PITPNC1: variants seen among roughly 807,000 people sequenced by gnomAD.
PITPNC1 encodes cytoplasmic phosphatidylinositol transfer protein 1.
In PITPNC1, 18 loss-of-function variants were observed where a neutral mutation model predicts 44.7. That is an observed-to-expected ratio of 0.40 (90% CI 0.28 to 0.60). The LOEUF (loss-of-function observed/expected upper bound fraction) is 0.60. PITPNC1 is among the 20% of genes least tolerant of loss of function. The pLI is 0.39. For synonymous variants in PITPNC1, 141 were observed against 149.6 expected (o/e 0.94, Z 0.42); for missense variants, 290 against 418.4 (o/e 0.69, Z 2.68).
intron 8 of PITPNC1, among the ~76,000 whole-genome samples, chr17:67,690,732 A>G (rs2042911192): frequency 1.3e-5 from 2 of 152,282 alleles, no homozygotes; most frequent in Admixed American, 1.3e-4. Context: ...TAATAAGCCC[A>G]GGTTCCTCTT....
At chr17:67,389,761 C>T (rs549904101) in intron 1 of PITPNC1, among the ~76,000 whole-genome samples, 1 of 152,070 alleles carries the variant, frequency 6.6e-6, no homozygotes, top group East Asian at 1.9e-4. Context: ...CTCACTGCAC[C>T]CTCCGCTTCC....
At chr17:67,594,993 C>T (rs1232756667) in intron 5 of PITPNC1, among the ~76,000 whole-genome samples, 2 of 152,044 alleles carry the variant, frequency 1.3e-5, no homozygotes, top group Non-Finnish European at 2.9e-5. Context: ...ACAAATGAAA[C>T]GCATATTAGA....
chr17:67,425,239 A>C (rs1276385785), intron 1 of PITPNC1, among the ~76,000 whole-genome samples: 1 of 144,520 alleles, frequency 6.9e-6, no homozygotes, highest in Non-Finnish European at 1.5e-5. Flanking sequence ...ACACACACAC[A>C]CACACACACA....
intron 8 of PITPNC1, among the ~76,000 whole-genome samples, chr17:67,679,891 C>G (rs2042671415): frequency 6.6e-6 from 1 of 152,202 alleles, no homozygotes; most frequent in Non-Finnish European, 1.5e-5. Context: ...CTTTACAAAT[C>G]TGACAGTGTT....
chr17:67,379,022 A>G (rs1438776751), intron 1 of PITPNC1: 2 of 985,430 alleles, frequency 2.0e-6, no homozygotes, highest in Non-Finnish European at 2.4e-6. Flanking sequence ...CGCGAGCTCC[A>G]GTATTCAGGA....
intron 1 of PITPNC1, among the ~76,000 whole-genome samples, chr17:67,443,056 T>C (rs2039037878): frequency 6.6e-6 from 1 of 151,988 alleles, no homozygotes; most frequent in Non-Finnish European, 1.5e-5. Flanking sequence ...CATGTCACTT[T>C]CTTGTTAATC....
intron 5 of PITPNC1, among the ~76,000 whole-genome samples, chr17:67,625,944 C>T (rs1246738789): frequency 6.6e-6 from 1 of 151,710 alleles, no homozygotes; most frequent in Non-Finnish European, 1.5e-5. Context: ...CCCTGAAACC[C>T]ATTCATCTAG....
intron 5 of PITPNC1, chr17:67,611,382 C>T (rs865776456): frequency 2.0e-5 from 3 of 152,226 alleles, no homozygotes; most frequent in African/African-American, 7.2e-5. Context: ...ATTTCATCTT[C>T]TGTGTCCAGA....
In PITPNC1 at chr17:67,694,434, C is replaced by CA. The variant is rs1381468121; in HGVS notation, c.*1547dup. ...AGGAGCATAATCTGCTTCTCTCACA[C>CA]AGCCTCTCTGCCAGTGGACCCTGCC... On this transcript the variant is annotated 3_prime_UTR_variant, in exon 9 of 9. Coordinates refer to ENST00000581322, the MANE Select transcript of PITPNC1 (RefSeq NM_012417.4). 2.0e-5 allele frequency: 3 copies of CA among 152,612 alleles called. No homozygotes were observed. Among genetic ancestry groups the CA allele is most frequent in the African/African-American group, 7.2e-5 (3 of 41,474 alleles). 9.5% of individuals were successfully genotyped at this position (152,612 alleles called of 1,614,324 possible).
chr17:67,567,105 TTG>T (rs1469737736), intron 4 of PITPNC1, among the ~76,000 whole-genome samples: 3 of 152,090 alleles, frequency 2.0e-5, no homozygotes, highest in Non-Finnish European at 2.9e-5. Context: ...CTGTATTGGG[TTG>T]TGTCTGTCCC....
chr17:67,460,914 A>C (rs1243735244), intron 1 of PITPNC1, among the ~76,000 whole-genome samples: 1 of 139,908 alleles, frequency 7.1e-6, no homozygotes, highest in East Asian at 2.2e-4. Flanking sequence ...GCTAATTTTT[A>C]TATTTTTAGT....
intron 4 of PITPNC1, among the ~76,000 whole-genome samples, chr17:67,560,441 C>T (rs144958137): frequency 8.0e-4 from 122 of 152,288 alleles, no homozygotes; most frequent in African/African-American, 2.8e-3. Context: ...ACACAGAACC[C>T]GTAAGTTCCT....
chr17:67,441,292 C>A (rs1023269401), intron 1 of PITPNC1, among the ~76,000 whole-genome samples: 8 of 149,938 alleles, frequency 5.3e-5, no homozygotes, highest in African/African-American at 2.0e-4. Context: ...CCCCCGCCAC[C>A]CATCAGTCCC....
At chr17:67,526,248 C>T (rs576336734) in intron 1 of PITPNC1, among the ~76,000 whole-genome samples, 6 of 152,228 alleles carry the variant, frequency 3.9e-5, no homozygotes, top group African/African-American at 1.2e-4. Context: ...AACTCTGGGA[C>T]GCAGCAGTTG....
At chr17:67,644,682 G>A (rs370497024) in intron 6 of PITPNC1, among the ~76,000 whole-genome samples, 1 of 152,124 alleles carries the variant, frequency 6.6e-6, no homozygotes, top group Middle Eastern at 3.4e-3. Context: ...TGATCCACTC[G>A]CCAAAGTGCT....
intron 2 of PITPNC1, among the ~76,000 whole-genome samples, chr17:67,543,218 C>T (rs1234859467): frequency 1.3e-5 from 2 of 152,202 alleles, no homozygotes; most frequent in African/African-American, 2.4e-5. Context: ...ATTCTGCCCT[C>T]ATCACCCCCT....
intron 4 of PITPNC1, among the ~76,000 whole-genome samples, chr17:67,559,318 A>T (rs2040877714): frequency 6.6e-6 from 1 of 152,204 alleles, no homozygotes. Flanking sequence ...AAGAAAAAAA[A>T]TCTGGCTATC....
At chr17:67,494,505 C>G (rs1479753915) in intron 1 of PITPNC1, among the ~76,000 whole-genome samples, 3 of 152,160 alleles carry the variant, frequency 2.0e-5, no homozygotes, top group African/African-American at 7.2e-5. Context: ...GCCCTGTAAC[C>G]TCTTTCAATG....
At chr17:67,602,961 C>T (rs1401250313) in intron 5 of PITPNC1, among the ~76,000 whole-genome samples, 1 of 151,932 alleles carries the variant, frequency 6.6e-6, no homozygotes, top group African/African-American at 2.4e-5. Flanking sequence ...GGCTGGTCTC[C>T]AACTCCTGGG....
Sources: gnomAD v4.1 joint callset for allele counts (sites outside exome capture counted in the v4.1 genomes callset) on GRCh38, gnomAD v4.1.1 for gene constraint, MANE v1.5 for transcripts, NCBI Gene and HGNC (gene_info 2026-07-23, HGNC 2026-07-21) for gene names.